The following SYNJ2 variants were observed in gnomAD, a reference collection of about 807,000 sequenced individuals.
SYNJ2 encodes polyphosphatidylinositol phosphatase SYNJ2.
Under a neutral mutation model 141.3 loss-of-function variants are expected in SYNJ2, and 116 were observed. The observed-to-expected ratio is 0.82, with a 90% CI of 0.71 to 0.96. The LOEUF (loss-of-function observed/expected upper bound fraction) is 0.96, where lower values mean the gene tolerates loss of function less well. Among genes scored for constraint, SYNJ2 ranks in the 40% least tolerant of loss-of-function variants. The pLI is 0.00. For synonymous variants in SYNJ2, 745 were observed against 777.7 expected, an observed-to-expected ratio of 0.96 and a Z score of 0.70; for missense variants, 1,873 against 1,934.8, an observed-to-expected ratio of 0.97 and a Z score of 0.60.
intron 4 of SYNJ2, among the ~76,000 whole-genome samples, chr6:158,041,556 C>T (rs1365071469): frequency 6.6e-6 from 1 of 152,164 alleles, no homozygotes; most frequent in African/African-American, 2.4e-5. Context: ...GCATACAGAG[C>T]ACTGACAGCC....
intron 1 of SYNJ2, among the ~76,000 whole-genome samples, chr6:158,012,868 C>G (rs559776838): frequency 9.9e-5 from 15 of 152,090 alleles, no homozygotes; most frequent in Non-Finnish European, 1.8e-4. Context: ...GTCCTCAAGA[C>G]GAGGGGCTTC....
At chr6:158,088,321 A>T (rs1398666317) in intron 23 of SYNJ2, among the ~76,000 whole-genome samples, 1 of 152,088 alleles carries the variant, frequency 6.6e-6, no homozygotes, top group Non-Finnish European at 1.5e-5. Context: ...AAAATATTTT[A>T]AAAATCTGGT....
At chr6:158,015,093 A>G (rs113485009) in intron 1 of SYNJ2, among the ~76,000 whole-genome samples, 1 of 152,198 alleles carries the variant, frequency 6.6e-6, no homozygotes, top group Non-Finnish European at 1.5e-5. Flanking sequence ...TCAAATGTTC[A>G]TCCAAGCTTT....
intron 5 of SYNJ2, among the ~76,000 whole-genome samples, chr6:158,054,281 C>T (rs1380211675): frequency 6.6e-6 from 1 of 152,066 alleles, no homozygotes; most frequent in African/African-American, 2.4e-5. Context: ...ATCCACCCAG[C>T]TATTCATCCA....
In SYNJ2 at chr6:158,092,986, C is replaced by T; in HGVS notation, c.3626C>T (p.Pro1209Leu). ...APRDLEASSE[P>L]EPTPGAAKPE... ...AGGGACCTTGAAGCATCCTCTGAAC[C>T]AGAGCCCACACCGGGGGCAGCCAAA... The change falls in exon 26 of 27, where the codon CCA becomes CTA. Residue 1209 changes from proline (P) to leucine (L), a missense_variant. Transcript: ENST00000355585. 6.2e-7 allele frequency: 1 copy of T among 1,612,932 alleles called. No individual in the cohort carries two copies. The highest frequency in any genetic ancestry group is 8.5e-7 in the Non-Finnish European group (1 of 1,179,704).
intron 8 of SYNJ2, among the ~76,000 whole-genome samples, chr6:158,062,530 G>C (rs1210105344): frequency 6.6e-6 from 1 of 152,160 alleles, no homozygotes; most frequent in African/African-American, 2.4e-5. Context: ...GCAGGCCTGT[G>C]AGAGTGAGGG....
rs1034733013 is a variant in SYNJ2, at chr6:158,023,683, G to A, written c.215-5073G>A. ...CCCTTCTCTCTTCTGGAAGCTCACCGTGTGCCGTGCTCCAGGAAGTAACTC... is the reference window on the plus strand; with the variant it reads ...CCCTTCTCTCTTCTGGAAGCTCACCATGTGCCGTGCTCCAGGAAGTAACTC... On this transcript the variant is annotated intron_variant, in intron 2 of 26. Coordinates refer to ENST00000355585, the MANE Select transcript of SYNJ2 (RefSeq NM_003898.4). 3.0e-4 allele frequency among the ~76,000 whole-genome samples: 45 copies of A among 152,116 alleles called. 1 individual carries two copies. Among genetic ancestry groups the A allele is most frequent in the Admixed American group, 2.9e-3 (44 of 15,266 alleles).
chr6:158,078,355 A>C (rs1562391822), intron 18 of SYNJ2, 74 bp downstream of exon 18: 26 of 974,026 alleles, frequency 2.7e-5, no homozygotes, highest in Non-Finnish European at 1.9e-5. Flanking sequence ...AGGAAAATGC[A>C]TGCTGTCCCC....
At chr6:157,992,071 C>T (rs1583284499) in intron 1 of SYNJ2, among the ~76,000 whole-genome samples, 1 of 152,054 alleles carries the variant, frequency 6.6e-6, no homozygotes, top group East Asian at 1.9e-4. Flanking sequence ...ATGTAATAAC[C>T]ACATCATGGA....
At chr6:158,059,378 A>G (rs1781066558) in intron 7 of SYNJ2, 25 bp downstream of exon 7, 1 of 1,548,324 alleles carries the variant, frequency 6.5e-7, no homozygotes, top group Non-Finnish European at 8.7e-7. Flanking sequence ...TCCTCTCCAC[A>G]GCTGGGCTGG....
At chr6:158,032,695 G>A (rs1779430099) in intron 3 of SYNJ2, among the ~76,000 whole-genome samples, 1 of 152,166 alleles carries the variant, frequency 6.6e-6, no homozygotes, top group South Asian at 2.1e-4. Flanking sequence ...GTGAAAGGGG[G>A]TCACTGATGA....
chr6:158,093,149 C>T, intron 26 of SYNJ2, 45 bp downstream of exon 26: 1 of 1,577,442 alleles, frequency 6.3e-7, no homozygotes, highest in Non-Finnish European at 8.6e-7. Flanking sequence ...AAGTTGCTCA[C>T]ATGTCTCGAT....
At chr6:158,051,549 C>T (rs1395403281) in intron 5 of SYNJ2, among the ~76,000 whole-genome samples, 1 of 151,984 alleles carries the variant, frequency 6.6e-6, no homozygotes, top group African/African-American at 2.4e-5. Flanking sequence ...TTCTTAGGAG[C>T]TCCATTAGCC....
intron 16 of SYNJ2, 33 bp downstream of exon 16, chr6:158,074,771 C>G (rs1158663566): frequency 6.2e-7 from 1 of 1,606,992 alleles, no homozygotes; most frequent in Non-Finnish European, 8.5e-7. Context: ...TTTTTAGCAG[C>G]TGCTCCAAGA....
At chr6:158,092,812 C>T in intron 25 of SYNJ2, 114 bp from the exon 26 acceptor site, 1 of 1,038,478 alleles carries the variant, frequency 9.6e-7, no homozygotes. Flanking sequence ...GCTGATTACT[C>T]CTGAAATACA....
At chr6:157,995,914 TA>T (rs1777615989) in intron 1 of SYNJ2, among the ~76,000 whole-genome samples, 1 of 152,132 alleles carries the variant, frequency 6.6e-6, no homozygotes, top group South Asian at 2.1e-4. Context: ...GTATAAGGCC[TA>T]AAAGAAGAAA....
At chr6:158,030,331 A>G (rs961342067) in intron 3 of SYNJ2, 32 of 152,746 alleles carry the variant, frequency 2.1e-4, no homozygotes, top group African/African-American at 7.2e-4. Flanking sequence ...TTTTGAAGCT[A>G]TATCAGTTTT....
chr6:158,031,952 C>G (rs1168583734), intron 3 of SYNJ2, among the ~76,000 whole-genome samples: 3 of 152,306 alleles, frequency 2.0e-5, no homozygotes, highest in South Asian at 2.1e-4. Flanking sequence ...GGAGGCTTTG[C>G]CTTGATGCCA....
chr6:158,014,175 G>C (rs752100341), intron 1 of SYNJ2, among the ~76,000 whole-genome samples: 4 of 152,036 alleles, frequency 2.6e-5, no homozygotes, highest in African/African-American at 9.7e-5. Context: ...TCATGATTTC[G>C]CCCAGCTGTA....
Sources: allele counts gnomAD v4.1 joint callset (sites outside exome capture counted in the v4.1 genomes callset), GRCh38; gene constraint gnomAD v4.1.1; transcripts MANE v1.5; gene names NCBI Gene and HGNC (gene_info 2026-07-23, HGNC 2026-07-21).